AGMO: variants seen among roughly 807,000 people sequenced by gnomAD.
AGMO encodes the protein alkylglycerol monooxygenase.
In AGMO, 75 loss-of-function variants were observed where a neutral mutation model predicts 60.2. The ratio of observed to expected loss-of-function variants is 1.25; its 90% confidence interval spans 1.03 to 1.51. The LOEUF (loss-of-function observed/expected upper bound fraction) is 1.51. AGMO is among the 40% of genes most tolerant of loss of function. AGMO has a pLI of 0.00. For synonymous variants in AGMO, 261 were observed against 177.1 expected, an observed-to-expected ratio of 1.47 and a Z score of -3.76; for missense variants, 763 against 525.5, an observed-to-expected ratio of 1.45 and a Z score of -4.42.
chr7:15,120,423 G>A, the AGMO span, among the ~76,000 whole-genome samples: 1 of 152,126 alleles, frequency 6.6e-6, no homozygotes, highest in Non-Finnish European at 1.5e-5. Flanking sequence ...GAATTCCTAT[G>A]TTAAATCGCT....
At chr7:15,119,204 A>T in the AGMO span, among the ~76,000 whole-genome samples, 26 of 151,300 alleles carry the variant, frequency 1.7e-4, no homozygotes, top group East Asian at 3.2e-3. Flanking sequence ...CCCTGGTGAG[A>T]GGTGATTAGA....
At chr7:15,356,100 A>G (rs575250918) in intron 12 of AGMO, among the ~76,000 whole-genome samples, 52 of 152,338 alleles carry the variant, frequency 3.4e-4, no homozygotes, top group African/African-American at 1.1e-3. Flanking sequence ...GGAAAGGTCC[A>G]CTGATAGAAG....
chr7:15,176,081 A>T, the AGMO span, among the ~76,000 whole-genome samples: 1 of 152,056 alleles, frequency 6.6e-6, no homozygotes, highest in Non-Finnish European at 1.5e-5. Context: ...GCCACTTTTT[A>T]AAATTGCTAT....
chr7:15,218,471 T>C (rs1223994397), intron 12 of AGMO, among the ~76,000 whole-genome samples: 1 of 151,798 alleles, frequency 6.6e-6, no homozygotes, highest in East Asian at 1.9e-4. Flanking sequence ...CACATAGTGA[T>C]TGCAATGGAC....
intron 12 of AGMO, among the ~76,000 whole-genome samples, chr7:15,288,097 C>A (rs780661853): frequency 1.5e-4 from 23 of 151,864 alleles, no homozygotes; most frequent in Non-Finnish European, 2.9e-4. Context: ...AGTCTCGGCT[C>A]GCCGCAAGCT....
At chr7:15,131,144 C>T in the AGMO span, among the ~76,000 whole-genome samples, 1 of 152,014 alleles carries the variant, frequency 6.6e-6, no homozygotes, top group East Asian at 1.9e-4. Flanking sequence ...TTTTCATAGC[C>T]TCATAGGAGT....
chr7:15,341,095 T>C (rs1043308079), intron 12 of AGMO, among the ~76,000 whole-genome samples: 1 of 152,122 alleles, frequency 6.6e-6, no homozygotes, highest in Non-Finnish European at 1.5e-5. Context: ...TTTCAGAGCT[T>C]GAAGGTCTTT....
chr7:15,543,859 T>C (rs577458080), intron 3 of AGMO, among the ~76,000 whole-genome samples: 71 of 151,796 alleles, frequency 4.7e-4, no homozygotes, highest in Non-Finnish European at 6.6e-4. Context: ...GGATCTACTT[T>C]TCCTTCTTTA....
chr7:15,520,236 G>GA (rs1262048857), intron 3 of AGMO, among the ~76,000 whole-genome samples: 1 of 151,930 alleles, frequency 6.6e-6, no homozygotes, highest in East Asian at 1.9e-4. Flanking sequence ...TAGACTCCCA[G>GA]AAAAAAATAG....
At chr7:15,342,362 TAAATTGAA>T (rs1781883158) in intron 12 of AGMO, among the ~76,000 whole-genome samples, 1 of 151,742 alleles carries the variant, frequency 6.6e-6, no homozygotes, top group Non-Finnish European at 1.5e-5. Flanking sequence ...GCTCCAAAAT[TAAATTGAA>T]ATGAATTCAT....
At chr7:15,498,715 T>A (rs1427301760) in intron 3 of AGMO, among the ~76,000 whole-genome samples, 3 of 151,994 alleles carry the variant, frequency 2.0e-5, no homozygotes, top group Admixed American at 6.6e-5. Flanking sequence ...TTTGATTTAC[T>A]ACAAGTGTCT....
chr7:15,485,142 C>CAAAAAAAAAAAAA (rs34731268), intron 3 of AGMO, among the ~76,000 whole-genome samples: 25 of 97,704 alleles, frequency 2.6e-4, no homozygotes, highest in African/African-American at 5.0e-4. Context: ...ACTAAAAATA[C>CAAAAAAAAAAAAA]AAAAAAAAAA....
At chr7:15,313,463 CAT>C (rs1006127079) in intron 12 of AGMO, among the ~76,000 whole-genome samples, 3 of 152,172 alleles carry the variant, frequency 2.0e-5, no homozygotes, top group Non-Finnish European at 2.9e-5. Flanking sequence ...CAAAAACCCA[CAT>C]GTTAACAGCT....
intron 3 of AGMO, among the ~76,000 whole-genome samples, chr7:15,454,500 CAT>C (rs1449771772): frequency 1.3e-5 from 2 of 152,032 alleles, no homozygotes; most frequent in Non-Finnish European, 2.9e-5. Context: ...CTTAAATATA[CAT>C]GTTTTCAATA....
intron 2 of AGMO, among the ~76,000 whole-genome samples, chr7:15,552,741 A>G (rs1262649576): frequency 6.7e-6 from 1 of 149,520 alleles, no homozygotes; most frequent in East Asian, 2.0e-4. Flanking sequence ...AACTAGTTCA[A>G]CCATTGTGGA....
intron 3 of AGMO, among the ~76,000 whole-genome samples, chr7:15,514,276 G>C (rs114726542): frequency 1.0e-3 from 154 of 152,188 alleles, no homozygotes; most frequent in African/African-American, 3.5e-3. Context: ...GATTGACTAT[G>C]GTATCAATAA....
chr7:15,396,572 T>G (rs930956706), intron 5 of AGMO: 1 of 152,280 alleles, frequency 6.6e-6, no homozygotes, highest in Non-Finnish European at 1.5e-5. Flanking sequence ...GACAACAGCT[T>G]GCCGCTCCTT....
the AGMO span, among the ~76,000 whole-genome samples, chr7:15,165,960 T>G: frequency 6.6e-6 from 1 of 152,170 alleles, no homozygotes; most frequent in Non-Finnish European, 1.5e-5. Context: ...TATATAAATA[T>G]GTAAATATTC....
At position 15,405,513 on chromosome 7, in the gene AGMO, C is replaced by T. The variant is rs141073773; in HGVS notation, c.610-11334G>A. 3.6e-3 allele frequency among the ~76,000 whole-genome samples: 544 copies of T among 152,026 alleles called. 2 individuals are homozygous for T. Among genetic ancestry groups the T allele is most frequent in the African/African-American group, 0.012 (515 of 41,516 alleles). On this transcript the variant is annotated intron_variant, in intron 5 of 12. Transcript: ENST00000342526. ...AGCAATCATTCTGTATCTTGATAAG[C>T]ATTCACATTATTCTGATGCATGCAG...
Sources: allele counts gnomAD v4.1 joint callset (sites outside exome capture counted in the v4.1 genomes callset), GRCh38; gene constraint gnomAD v4.1.1; transcripts MANE v1.5; gene names NCBI Gene and HGNC (gene_info 2026-07-23, HGNC 2026-07-21).